The following KHDRBS2 variants were observed in gnomAD, a reference collection of about 807,000 sequenced individuals.
KHDRBS2 encodes the protein KH domain-containing, RNA-binding, signal transduction-associated protein 2.
KHDRBS2 carries 26 observed loss-of-function variants against 44.3 expected under a neutral mutation model. The ratio of observed to expected loss-of-function variants is 0.59; its 90% CI spans 0.43 to 0.81. The LOEUF is 0.81. Ranked by LOEUF, KHDRBS2 falls within the 40% of genes least tolerant of loss-of-function variation. The probability of loss-of-function intolerance (pLI) is 0.00; values close to 1 mark genes in which losing one functional copy is unlikely to be tolerated. For missense variants in KHDRBS2, 476 were observed against 433.1 expected (o/e 1.10, Z -0.88); for synonymous variants, 194 against 151.1 (o/e 1.28, Z -2.08).
intron 6 of KHDRBS2, among the ~76,000 whole-genome samples, chr6:61,805,120 A>G (rs555415502): frequency 6.6e-6 from 1 of 152,204 alleles, no homozygotes; most frequent in Non-Finnish European, 1.5e-5. Flanking sequence ...GAATGCTTTT[A>G]ACAGCACCCA....
chr6:62,286,089 T>G lies in KHDRBS2; in HGVS notation c.-141A>C, dbSNP rs1842460262. ...ATCTCTGTGCGTCCTCACTGGCCCATGCACCCAGCACCTGCGACTCCCGCC... is the reference window on the plus strand; with the variant it reads ...ATCTCTGTGCGTCCTCACTGGCCCAGGCACCCAGCACCTGCGACTCCCGCC... On this transcript the variant is annotated 5_prime_UTR_variant, in exon 1 of 9. The change abolishes an upstream ATG in the 5' untranslated region. Coordinates refer to ENST00000281156, the MANE Select transcript of KHDRBS2 (RefSeq NM_152688.4). The G allele has an allele frequency of 1.6e-6, 1 of 629,532 alleles. No homozygotes were observed. 39.0% of individuals were successfully genotyped at this position (629,532 alleles called of 1,614,324 possible). A position where few individuals can be genotyped will look rare whatever the true frequency, so the allele number is the denominator to read the frequency against.
intron 2 of KHDRBS2, among the ~76,000 whole-genome samples, chr6:62,132,699 C>T: frequency 6.6e-6 from 1 of 152,100 alleles, no homozygotes; most frequent in South Asian, 2.1e-4. Context: ...CTGAAAGATG[C>T]TTAGTAGAAA....
chr6:61,549,332 C>T, the KHDRBS2 span, among the ~76,000 whole-genome samples: 1 of 152,164 alleles, frequency 6.6e-6, no homozygotes, highest in Non-Finnish European at 1.5e-5. Context: ...GACTCCTTCA[C>T]AGTCTTAAAA....
intron 4 of KHDRBS2, among the ~76,000 whole-genome samples, chr6:61,904,005 ATGCTAGTAAGTAT>A (rs1406551873): frequency 6.6e-6 from 1 of 152,184 alleles, no homozygotes; most frequent in Admixed American, 6.5e-5. Flanking sequence ...TCGCTGCTTT[ATGCTAGTAAGTAT>A]TGCGGTGGTT....
At chr6:62,159,886 C>G (rs1239039458) in intron 2 of KHDRBS2, among the ~76,000 whole-genome samples, 1 of 152,030 alleles carries the variant, frequency 6.6e-6, no homozygotes, top group African/African-American at 2.4e-5. Context: ...ATCAAGTAGG[C>G]TGAGGAAAAG....
chr6:61,627,249 T>G, the KHDRBS2 span, among the ~76,000 whole-genome samples: 32 of 43,458 alleles, frequency 7.4e-4, no homozygotes, highest in African/African-American at 3.1e-3. Context: ...CGAGACTCCG[T>G]CTCAAAAAAA....
intron 3 of KHDRBS2, among the ~76,000 whole-genome samples, chr6:62,006,316 T>TTA (rs1351291740): frequency 3.3e-5 from 5 of 151,994 alleles, no homozygotes; most frequent in Non-Finnish European, 5.9e-5. Context: ...CAATCTAAAG[T>TTA]TATATATGCA....
intron 7 of KHDRBS2, among the ~76,000 whole-genome samples, chr6:61,731,337 T>A (rs1288169417): frequency 6.6e-6 from 1 of 152,106 alleles, no homozygotes; most frequent in Non-Finnish European, 1.5e-5. Context: ...TGGCTCATGA[T>A]GGCTTCTCTA....
At chr6:61,604,299 A>G in the KHDRBS2 span, among the ~76,000 whole-genome samples, 1 of 49,444 alleles carries the variant, frequency 2.0e-5, no homozygotes, top group African/African-American at 5.2e-5. Context: ...AAGGCATCAG[A>G]TCCATTGCTC....
chr6:61,768,102 C>G (rs1780273146), intron 6 of KHDRBS2, among the ~76,000 whole-genome samples: 1 of 152,112 alleles, frequency 6.6e-6, no homozygotes, highest in African/African-American at 2.4e-5. Context: ...CATATTTTTA[C>G]TGGCTATCCT....
the KHDRBS2 span, among the ~76,000 whole-genome samples, chr6:61,599,537 T>C: frequency 1.3e-5 from 2 of 152,144 alleles, no homozygotes; most frequent in African/African-American, 4.8e-5. Flanking sequence ...TTGCCACAGA[T>C]GGTTAAGGAT....
intron 6 of KHDRBS2, among the ~76,000 whole-genome samples, chr6:61,736,152 T>C (rs1775306340): frequency 6.6e-6 from 1 of 150,412 alleles, no homozygotes; most frequent in Non-Finnish European, 1.5e-5. Flanking sequence ...GTCTTCTCGG[T>C]TGGCACAGTA....
intron 2 of KHDRBS2, among the ~76,000 whole-genome samples, chr6:62,065,297 G>A (rs1185940922): frequency 6.6e-6 from 1 of 152,008 alleles, no homozygotes; most frequent in East Asian, 1.9e-4. Context: ...ATACCCAAAT[G>A]ACTATAAATC....
chr6:62,066,125 T>A (rs183932307), intron 2 of KHDRBS2, among the ~76,000 whole-genome samples: 95 of 148,776 alleles, frequency 6.4e-4, no homozygotes, highest in African/African-American at 2.2e-3. Flanking sequence ...AAAAGATTCA[T>A]TAAAAATATC....
chr6:61,563,271 C>T, the KHDRBS2 span, among the ~76,000 whole-genome samples: 2 of 151,952 alleles, frequency 1.3e-5, no homozygotes, highest in African/African-American at 4.8e-5. Flanking sequence ...ATGTCAATTT[C>T]CCTGCTACTA....
chr6:62,060,097 G>A lies in KHDRBS2; in HGVS notation c.220-12103C>T, dbSNP rs1584425066. Among the ~76,000 whole-genome samples, 3 of 151,848 alleles carry A rather than the reference G, an allele frequency of 2.0e-5. No homozygotes were observed. In the East Asian group the frequency reaches 5.9e-4, roughly 30 times the overall value. ...GGACAGGAGAGAAGGGTGCTGATGG[G>A]GACTTTCCTGGCAGAAGGAGTAACA... On this transcript the variant is annotated intron_variant, in intron 2 of 8. Transcript: ENST00000281156.
intron 2 of KHDRBS2, among the ~76,000 whole-genome samples, chr6:62,051,210 T>C (rs1302035897): frequency 1.3e-5 from 2 of 152,062 alleles, no homozygotes; most frequent in African/African-American, 2.4e-5. Context: ...TCAAAATTTA[T>C]CAAGCTGCAC....
At chr6:62,202,108 G>T (rs547777832) in intron 1 of KHDRBS2, among the ~76,000 whole-genome samples, 9 of 152,150 alleles carry the variant, frequency 5.9e-5, no homozygotes, top group African/African-American at 2.2e-4. Flanking sequence ...TATAGGACTT[G>T]TATTTATTCT....
intron 6 of KHDRBS2, among the ~76,000 whole-genome samples, chr6:61,836,978 G>T (rs558329851): frequency 6.6e-6 from 1 of 151,970 alleles, no homozygotes; most frequent in South Asian, 2.1e-4. Context: ...TATCTATTGT[G>T]CAGTACTGGC....
Sources: allele counts gnomAD v4.1 joint callset (sites outside exome capture counted in the v4.1 genomes callset), GRCh38; gene constraint gnomAD v4.1.1; transcripts MANE v1.5; gene names NCBI Gene and HGNC (gene_info 2026-07-23, HGNC 2026-07-21).